Variants in PTPRD observed in about 807,000 individuals in gnomAD.
PTPRD encodes the protein protein tyrosine phosphatase receptor type D, also known as receptor-type tyrosine-protein phosphatase delta.
In PTPRD, 34 loss-of-function variants were observed where a neutral mutation model predicts 214.5. The observed-to-expected ratio is 0.16, with a 90% CI of 0.12 to 0.21. The LOEUF (loss-of-function observed/expected upper bound fraction) is 0.21, where lower values mean the gene tolerates loss of function less well. Among genes scored for constraint, PTPRD ranks in the 10% least tolerant of loss-of-function variants. PTPRD has a pLI of 1.00. For synonymous variants in PTPRD, 1,128 were observed against 845.7 expected (o/e 1.33, Z -5.79); for missense variants, 2,545 against 2,398.7 (o/e 1.06, Z -1.27).
chr9:8,414,702 C>G (rs1433793241), intron 35 of PTPRD, among the ~76,000 whole-genome samples: 145 of 152,022 alleles, frequency 9.5e-4, no homozygotes, highest in East Asian at 3.9e-4. Context: ...CTTTCTCACT[C>G]TCAAAGTATC....
chr9:9,638,181 G>A (rs1019241239), intron 7 of PTPRD, among the ~76,000 whole-genome samples: 52 of 152,162 alleles, frequency 3.4e-4, no homozygotes, highest in Admixed American at 3.9e-4. Context: ...TGGCCAGGCT[G>A]AAAATTTCCC....
At chr9:10,280,845 G>A (rs1465320865) in intron 3 of PTPRD, among the ~76,000 whole-genome samples, 1 of 151,878 alleles carries the variant, frequency 6.6e-6, no homozygotes, top group East Asian at 1.9e-4. Context: ...GAACTCCTGG[G>A]CTCAAGCTGT....
chr9:9,221,127 C>T (rs2099955714), intron 9 of PTPRD, among the ~76,000 whole-genome samples: 1 of 152,076 alleles, frequency 6.6e-6, no homozygotes, highest in Non-Finnish European at 1.5e-5. Context: ...GGAATTTCTA[C>T]TCTAAGGCTT....
intron 3 of PTPRD, among the ~76,000 whole-genome samples, chr9:10,060,390 A>G (rs1284012282): frequency 6.6e-6 from 1 of 152,108 alleles, no homozygotes; most frequent in South Asian, 2.1e-4. Context: ...TTAAAATAAC[A>G]CAACGCTTTC....
At chr9:8,433,160 C>T (rs7027844) in intron 35 of PTPRD, among the ~76,000 whole-genome samples, 98,700 of 151,970 alleles carry the variant, frequency 0.65, 33,708 homozygotes, top group African/African-American at 0.86. Flanking sequence ...AAAACTATAA[C>T]AGATCTGAAG....
chr9:10,493,336 T>G (rs1401182028), intron 2 of PTPRD, among the ~76,000 whole-genome samples: 1 of 152,116 alleles, frequency 6.6e-6, no homozygotes, highest in East Asian at 1.9e-4. Flanking sequence ...TCACCCTACC[T>G]GAATTCAAAC....
At chr9:8,962,519 A>T (rs1202246304) in intron 11 of PTPRD, among the ~76,000 whole-genome samples, 3 of 143,974 alleles carry the variant, frequency 2.1e-5, no homozygotes, top group African/African-American at 7.4e-5. Context: ...ATAAAAAAGG[A>T]GAAAAGGAAG....
intron 3 of PTPRD, among the ~76,000 whole-genome samples, chr9:10,281,170 A>G (rs2095088112): frequency 6.6e-6 from 1 of 152,196 alleles, no homozygotes; most frequent in Admixed American, 6.5e-5. Context: ...AAATGAAAAG[A>G]AACATCTGAA....
At chr9:9,892,357 C>T (rs573803616) in intron 5 of PTPRD, among the ~76,000 whole-genome samples, 62 of 152,096 alleles carry the variant, frequency 4.1e-4, no homozygotes, top group African/African-American at 9.6e-4. Flanking sequence ...CCATGCCTGG[C>T]GGGGAGGAAG....
chr9:9,493,787 CAAAAAAAA>C (rs750252052), intron 8 of PTPRD, among the ~76,000 whole-genome samples: 1 of 54,464 alleles, frequency 1.8e-5, no homozygotes, highest in African/African-American at 6.5e-5. Context: ...GACTCCGTCT[CAAAAAAAA>C]AAAAAAAAAA....
At chr9:10,149,526 T>A (rs1045992243) in intron 3 of PTPRD, among the ~76,000 whole-genome samples, 1 of 152,134 alleles carries the variant, frequency 6.6e-6, no homozygotes, top group Admixed American at 6.6e-5. Flanking sequence ...CCAGCGTGCC[T>A]CCGTCCTCTA....
At chr9:10,163,124 A>G (rs960259131) in intron 3 of PTPRD, among the ~76,000 whole-genome samples, 3 of 150,190 alleles carry the variant, frequency 2.0e-5, no homozygotes, top group African/African-American at 7.4e-5. Context: ...TTTTTTAAAT[A>G]ACCCTTATTC....
intron 3 of PTPRD, among the ~76,000 whole-genome samples, chr9:10,148,881 A>C (rs1215809090): frequency 6.6e-6 from 1 of 152,166 alleles, no homozygotes; most frequent in Non-Finnish European, 1.5e-5. Context: ...TTTTTATTGG[A>C]TATAGACATT....
At chr9:9,491,890 T>G (rs1309219726) in intron 8 of PTPRD, among the ~76,000 whole-genome samples, 1 of 151,632 alleles carries the variant, frequency 6.6e-6, no homozygotes, top group African/African-American at 2.4e-5. Context: ...ATGGAAACAG[T>G]AAAGAGCAGA....
intron 8 of PTPRD, among the ~76,000 whole-genome samples, chr9:9,504,783 T>C (rs901974439): frequency 6.6e-6 from 1 of 151,684 alleles, no homozygotes; most frequent in Non-Finnish European, 1.5e-5. Context: ...CTATTAAAAC[T>C]AATAAATGAT....
chr9:10,105,514 A>C (rs72694863), intron 3 of PTPRD, among the ~76,000 whole-genome samples: 7,979 of 151,838 alleles, frequency 0.053, 272 homozygotes, highest in Admixed American at 0.1. Flanking sequence ...CTTTCTACGA[A>C]TTTCTATTTC....
intron 14 of PTPRD, among the ~76,000 whole-genome samples, chr9:8,601,072 T>C (rs2094829046): frequency 6.6e-6 from 1 of 151,966 alleles, no homozygotes; most frequent in Non-Finnish European, 1.5e-5. Flanking sequence ...ACTGAAGAGC[T>C]TTTAGGCCTT....
chr9:10,146,331 A>G (rs1379395329), intron 3 of PTPRD, among the ~76,000 whole-genome samples: 5 of 152,040 alleles, frequency 3.3e-5, no homozygotes, highest in South Asian at 4.1e-4. Flanking sequence ...CACTATCCTA[A>G]GTGGTAAGGA....
intron 12 of PTPRD, among the ~76,000 whole-genome samples, chr9:8,644,180 G>C (rs1445109030): frequency 6.6e-6 from 1 of 151,970 alleles, no homozygotes; most frequent in Non-Finnish European, 1.5e-5. Flanking sequence ...CCTCTCTGAT[G>C]AGAACTGAGG....
Sources: gnomAD v4.1 joint callset for allele counts (sites outside exome capture counted in the v4.1 genomes callset) on GRCh38, gnomAD v4.1.1 for gene constraint, MANE v1.5 for transcripts, NCBI Gene and HGNC (gene_info 2026-07-23, HGNC 2026-07-21) for gene names.